The following BPIFB4 variants were observed in gnomAD, a reference collection of about 807,000 sequenced individuals.
BPIFB4 encodes BPI fold-containing family B member 4.
In BPIFB4, 62 loss-of-function variants were observed where a neutral mutation model predicts 69.2. The observed-to-expected ratio is 0.90, with a 90% CI of 0.73 to 1.11. BPIFB4 has a LOEUF of 1.11. Among genes scored for constraint, BPIFB4 ranks in the 50% least tolerant of loss-of-function variants. BPIFB4 has a pLI of 0.00. For missense variants in BPIFB4, 789 were observed against 792.0 expected, an observed-to-expected ratio of 1.00 and a Z score of 0.04; for synonymous variants, 330 against 332.7, an observed-to-expected ratio of 0.99 and a Z score of 0.09.
At chr20:33,107,431 AAAAC>A (rs1443734196) in intron 16 of BPIFB4, among the ~76,000 whole-genome samples, 1 of 152,032 alleles carries the variant, frequency 6.6e-6, no homozygotes, top group African/African-American at 2.4e-5. Flanking sequence ...TGTCTTTACT[AAAAC>A]AAACAAAACA....
rs1981798134 is a variant in BPIFB4 at position 33,097,801 on chromosome 20, G to T, written c.1569+14G>T. 6.2e-7 allele frequency: 1 copy of T among 1,600,508 alleles called. No homozygotes were observed. Among genetic ancestry groups the T allele is most frequent in the Non-Finnish European group, 8.5e-7 (1 of 1,172,746 alleles). Reference sequence around the variant, plus strand: ...CTCATTGACGTGGTGAGTGTCTGGAGGTACTGGTGGCCTCCAGCTGGGCCT... The same window carrying T: ...CTCATTGACGTGGTGAGTGTCTGGATGTACTGGTGGCCTCCAGCTGGGCCT... On this transcript the variant is annotated intron_variant, in intron 13 of 17. Coordinates refer to ENST00000375483, the MANE Select transcript of BPIFB4 (RefSeq NM_182519.3).
At chr20:33,108,354 G>T (rs531177321) in intron 17 of BPIFB4, among the ~76,000 whole-genome samples, 1 of 148,244 alleles carries the variant, frequency 6.7e-6, no homozygotes, top group South Asian at 2.1e-4. Context: ...AAAACCACCC[G>T]TGCTCAATAT....
chr20:33,095,327 G>A (rs981511126), intron 12 of BPIFB4, among the ~76,000 whole-genome samples, 174 bp downstream of exon 12: 2 of 152,172 alleles, frequency 1.3e-5, no homozygotes, highest in African/African-American at 2.4e-5. Flanking sequence ...ATGGGTGGGG[G>A]CGGGGGAAGA....
intron 11 of BPIFB4, among the ~76,000 whole-genome samples, chr20:33,093,957 CCTGT>C (rs1216533663): frequency 2.0e-5 from 3 of 152,160 alleles, no homozygotes; most frequent in Non-Finnish European, 2.9e-5. Flanking sequence ...TGTCTGTCTC[CCTGT>C]CTGTCTATCC....
chr20:33,097,506 G>C, intron 12 of BPIFB4, 111 bp from the exon 13 acceptor site: 4 of 1,197,716 alleles, frequency 3.3e-6, no homozygotes, highest in Middle Eastern at 5.9e-4. Flanking sequence ...TGGTTTGTTG[G>C]ACTCAAGCAA....
intron 11 of BPIFB4, among the ~76,000 whole-genome samples, chr20:33,093,062 ATT>A (rs1216668706): frequency 6.6e-6 from 1 of 152,220 alleles, no homozygotes; most frequent in Non-Finnish European, 1.5e-5. Flanking sequence ...TGCTCCAGTC[ATT>A]TTCTTTCCAA....
rs1211089336 is a variant in BPIFB4 at position 33,111,452 on chromosome 20, G to T, written c.*15G>T. 6.2e-7 allele frequency: 1 copy of T among 1,614,044 alleles called. No individual in the cohort carries two copies. Among genetic ancestry groups the T allele is most frequent in the South Asian group, 1.1e-5 (1 of 91,072 alleles). On this transcript the variant is annotated 3_prime_UTR_variant, in exon 18 of 18. Transcript: ENST00000375483. ...TGAGCGCATGAGTGACAGAGGCAGAGATGCTGCTGCAACTGGAAGAAGCTG... is the reference window on the plus strand; with the variant it reads ...TGAGCGCATGAGTGACAGAGGCAGATATGCTGCTGCAACTGGAAGAAGCTG...
At chr20:33,096,094 C>T (rs1981745423) in intron 12 of BPIFB4, among the ~76,000 whole-genome samples, 1 of 152,154 alleles carries the variant, frequency 6.6e-6, no homozygotes, top group Non-Finnish European at 1.5e-5. Flanking sequence ...AAACTCAACA[C>T]GTGGTCACTA....
At chr20:33,082,397 G>T (rs1292433338) in intron 3 of BPIFB4, among the ~76,000 whole-genome samples, 2 of 152,030 alleles carry the variant, frequency 1.3e-5, no homozygotes, top group Admixed American at 6.6e-5. Context: ...GCAATGGTGC[G>T]ATCTCGGCTT....
At chr20:33,094,237 A>G (rs1452512104) in intron 11 of BPIFB4, among the ~76,000 whole-genome samples, 1 of 152,334 alleles carries the variant, frequency 6.6e-6, no homozygotes, top group East Asian at 1.9e-4. Context: ...AATGATATCC[A>G]TGCAGAAGGT....
chr20:33,088,427 C>T (rs1383840399), intron 7 of BPIFB4, among the ~76,000 whole-genome samples: 1 of 152,022 alleles, frequency 6.6e-6, no homozygotes, highest in East Asian at 1.9e-4. Flanking sequence ...TAAAATGGAT[C>T]ACCTCTCCCA....
At chr20:33,086,367 T>C (rs1981430412) in intron 7 of BPIFB4, among the ~76,000 whole-genome samples, 1 of 152,220 alleles carries the variant, frequency 6.6e-6, no homozygotes, top group Non-Finnish European at 1.5e-5. Flanking sequence ...ATTCATGGCC[T>C]GCACCTTCAA....
Position 33,111,513 on chromosome 20 carries a change from C to T in BPIFB4, c.*76C>T. 1 of 1,573,838 alleles carries T rather than the reference C, an allele frequency of 6.4e-7. No individual in the cohort carries two copies. The highest frequency in any genetic ancestry group is 8.7e-7 in the Non-Finnish European group (1 of 1,147,574). Reference sequence around the variant, plus strand: ...CAGAGAGGCTCGGCCTGGAAACAGTCCCCTGCCCAGAGTCCCCTCAGCCTC... The same window carrying T: ...CAGAGAGGCTCGGCCTGGAAACAGTTCCCTGCCCAGAGTCCCCTCAGCCTC... On this transcript the variant is annotated 3_prime_UTR_variant, in exon 18 of 18. Transcript: ENST00000375483.
chr20:33,103,959 T>C (rs1044169687), intron 15 of BPIFB4, among the ~76,000 whole-genome samples: 1 of 152,030 alleles, frequency 6.6e-6, no homozygotes, highest in Non-Finnish European at 1.5e-5. Context: ...TGAATTATGC[T>C]TTTTTTTCTC....
chr20:33,085,875 C>A, intron 6 of BPIFB4, 146 bp from the exon 7 acceptor site: 1 of 939,314 alleles, frequency 1.1e-6, no homozygotes, highest in Non-Finnish European at 1.6e-6. Context: ...ACTTGAGGGA[C>A]CAGGGAAGAG....
intron 10 of BPIFB4, 67 bp from the exon 11 acceptor site, chr20:33,092,383 GCCTCACTC>G: frequency 7.3e-7 from 1 of 1,378,194 alleles, no homozygotes; most frequent in Non-Finnish European, 9.9e-7. Context: ...CAGATTCAGG[GCCTCACTC>G]CAGCCTTCAG....
At chr20:33,086,784 C>A (rs1024080012) in intron 7 of BPIFB4, among the ~76,000 whole-genome samples, 2 of 152,150 alleles carry the variant, frequency 1.3e-5, no homozygotes, top group African/African-American at 4.8e-5. Flanking sequence ...ACAAAATGTC[C>A]AAGTCTCCAT....
At chr20:33,109,707 G>A (rs1470284967) in intron 17 of BPIFB4, among the ~76,000 whole-genome samples, 1 of 152,040 alleles carries the variant, frequency 6.6e-6, no homozygotes, top group Non-Finnish European at 1.5e-5. Context: ...TTCTGGTAAG[G>A]GAATTATACT....
At chr20:33,098,165 T>C (rs1981809227) in intron 13 of BPIFB4, among the ~76,000 whole-genome samples, 1 of 152,180 alleles carries the variant, frequency 6.6e-6, no homozygotes. Flanking sequence ...CAGTAGGGCA[T>C]TAGTAAGATG....
Sources: gnomAD v4.1 joint callset for allele counts (sites outside exome capture counted in the v4.1 genomes callset) on GRCh38, gnomAD v4.1.1 for gene constraint, MANE v1.5 for transcripts, NCBI Gene and HGNC (gene_info 2026-07-23, HGNC 2026-07-21) for gene names.